The following DMRTA2 variants were observed in gnomAD, a reference collection of about 807,000 sequenced individuals.
The protein encoded by DMRTA2 is DMRT like family A2, also known as doublesex- and mab-3-related transcription factor A2.
A neutral mutation model predicts 29.7 loss-of-function variants in DMRTA2; 10 were observed. The observed-to-expected ratio is 0.34, with a 90% CI of 0.21 to 0.57. DMRTA2 has a LOEUF of 0.57. Among genes scored for constraint, DMRTA2 ranks in the 20% least tolerant of loss-of-function variants. DMRTA2 has a pLI of 0.87. For synonymous variants in DMRTA2, 469 were observed against 402.6 expected (o/e 1.16, Z -1.97); for missense variants, 783 against 812.1 (o/e 0.96, Z 0.44).
Position 50,420,950 on chromosome 1 carries a change from C to T in DMRTA2, c.559+28G>A, listed in dbSNP as rs144504138. On this transcript the variant is annotated intron_variant, in intron 2 of 2. Transcript: ENST00000404795. This position sits in a 1 kb window ranked among gnomAD's most constrained non-coding sequence, Gnocchi z 4.1. Reference sequence around the variant, plus strand: ...GCCCCAGAGCTACGATCCTGCTGCCCCTACCTGCGGCCTGGCCGCGCTCTC... The same window carrying T: ...GCCCCAGAGCTACGATCCTGCTGCCTCTACCTGCGGCCTGGCCGCGCTCTC... The T allele has an allele frequency of 2.2e-4, 311 of 1,430,182 alleles. 1 individual carries two copies. In the African/African-American group the frequency reaches 4.2e-3, roughly 19 times the overall value. 88.6% of individuals were successfully genotyped at this position (1,430,182 alleles called of 1,614,324 possible).
chr1:50,419,868 T>A lies in DMRTA2; in HGVS notation c.560-134A>T. The A allele has an allele frequency of 1.3e-6, 1 of 740,976 alleles. No homozygotes were observed. 45.9% of individuals were successfully genotyped at this position (740,976 alleles called of 1,614,324 possible). Reference sequence around the variant, plus strand: ...ATTCACTAGGCTCCAGTGCCCCTCTTTCTTTTTGCTCTAGCATTCCTTCCG... The same window carrying A: ...ATTCACTAGGCTCCAGTGCCCCTCTATCTTTTTGCTCTAGCATTCCTTCCG... On this transcript the variant is annotated intron_variant, in intron 2 of 2. Transcript: ENST00000404795. This position sits in a 1 kb window ranked among gnomAD's most constrained non-coding sequence, Gnocchi z 6.1.
Position 50,419,117 on chromosome 1 carries a change from C to G in DMRTA2, c.1177G>C (p.Ala393Pro). 8.4e-7 allele frequency: 1 copy of G among 1,190,256 alleles called. No homozygotes were observed. Among genetic ancestry groups the G allele is most frequent in the African/African-American group, 1.6e-5 (1 of 62,058 alleles). 73.7% of individuals were successfully genotyped at this position (1,190,256 alleles called of 1,614,324 possible). A position where few individuals can be genotyped will look rare whatever the true frequency, so the allele number is the denominator to read the frequency against. The change falls in exon 3 of 3, where the codon GCC becomes CCC. Residue 393 changes from alanine to proline, a missense_variant. This residue lies in a region of DMRTA2 where 667 missense variants were observed against 624.8 expected (regional missense o/e 1.07). Transcript: ENST00000404795. The surrounding 1 kb of genome is among the most constrained non-coding windows in gnomAD (Gnocchi z 6.1). ...CCAGGCCCCCCGGCGGCGGCGGCGG[C>G]GGCGGCGGCGGCGTCGACGCGGCTG... ...WPSRVDAAAA[A>P]AAAAGGPGLP...
Position 50,418,886 on chromosome 1 carries a change from A to G in DMRTA2, c.1408T>C (p.Tyr470His). The G allele has an allele frequency of 6.7e-7, 1 of 1,500,540 alleles. No individual in the cohort carries two copies. The highest frequency in any genetic ancestry group is 8.8e-7 in the Non-Finnish European group (1 of 1,130,450). The allele number at this position is 1,500,540 out of a possible 1,614,324, so 93.0% of individuals were successfully genotyped here. ...CGGCTGTGCGCCGCCGCCGCGGAGTAGGCCAGGCGCAGGGGGCTGAGGCCG... is the reference window on the plus strand; with the variant it reads ...CGGCTGTGCGCCGCCGCCGCGGAGTGGGCCAGGCGCAGGGGGCTGAGGCCG... Reference protein sequence around the residue: ...PLGLSPLRLAYSAAAAHSRGL... With the variant: ...PLGLSPLRLAHSAAAAHSRGL... Residue 470 changes from tyrosine to histidine, a missense_variant, in exon 3 of 3, where the codon TAC becomes CAC. Around this residue, in one of 3 missense-constraint regions of DMRTA2, gnomAD observed 667 missense variants for 624.8 expected, o/e 1.07. Coordinates refer to ENST00000404795, the MANE Select transcript of DMRTA2 (RefSeq NM_032110.3).
Position 50,420,922 on chromosome 1 carries a change from C to T in DMRTA2, c.559+56G>A. 7.2e-7 allele frequency: 1 copy of T among 1,397,828 alleles called. No homozygotes were observed. The highest frequency in any genetic ancestry group is 9.2e-7 in the Non-Finnish European group (1 of 1,085,308). 86.6% of individuals were successfully genotyped at this position (1,397,828 alleles called of 1,614,324 possible). The stretch of plus-strand genomic sequence containing the variant: ...TGAACCGAGACAAGCCCCTGGGCCC[C>T]GTGCCCCAGAGCTACGATCCTGCTG... On this transcript the variant is annotated intron_variant, in intron 2 of 2. Transcript: ENST00000404795. The surrounding 1 kb of genome is among the most constrained non-coding windows in gnomAD (Gnocchi z 4.1).
Position 50,419,731 on chromosome 1 carries a change from G to T in DMRTA2, c.563C>A (p.Ala188Asp). Residue 188 changes from alanine to aspartate, a missense_variant, in exon 3 of 3, where the codon GCC becomes GAC. By Grantham distance (126) the Ala-to-Asp change is moderately radical. Coordinates refer to ENST00000404795, the MANE Select transcript of DMRTA2 (RefSeq NM_032110.3). This position sits in a 1 kb window ranked among gnomAD's most constrained non-coding sequence, Gnocchi z 6.1. ...GGAAGAGGSE[A>D]KLQKFDLFPK... ...AAACAGGTCAAACTTCTGCAACTTG[G>T]CCTCTGGGAGGGGAGAAAACGTGTC... The T allele has an allele frequency of 6.8e-7, 1 of 1,466,962 alleles. No individual in the cohort carries two copies. Among genetic ancestry groups the T allele is most frequent in the Non-Finnish European group, 9.0e-7 (1 of 1,111,778 alleles). The allele number at this position is 1,466,962 out of a possible 1,614,324, so 90.9% of individuals were successfully genotyped here. A position where few individuals can be genotyped will look rare whatever the true frequency, so the allele number is the denominator to read the frequency against.
At position 50,421,285 on chromosome 1, in the gene DMRTA2, G is replaced by A. The variant is rs1233813899; in HGVS notation, c.252C>T (p.Gly84=). 1 of 1,534,458 alleles carries A rather than the reference G, an allele frequency of 6.5e-7. No homozygotes were observed. Among genetic ancestry groups the A allele is most frequent in the Non-Finnish European group, 8.8e-7 (1 of 1,140,040 alleles). Residue 84 remains glycine, a synonymous_variant, in exon 2 of 3, where the codon GGC becomes GGT. Transcript: ENST00000404795. This position sits in a 1 kb window ranked among gnomAD's most constrained non-coding sequence, Gnocchi z 8.7. The part of the protein sequence containing the change: ...RNHGVVSALK[G]HKRYCRWKDC... ...CCTTCCAGCGACAGTAGCGTTTGTGGCCCTTGAGGGCCGACACCACGCCAT... is the reference window on the plus strand; with the variant it reads ...CCTTCCAGCGACAGTAGCGTTTGTGACCCTTGAGGGCCGACACCACGCCAT...
chr1:50,419,059 G>A lies in DMRTA2; in HGVS notation c.1235C>T (p.Ala412Val). The A allele has an allele frequency of 7.7e-7, 1 of 1,301,468 alleles. No homozygotes were observed. The highest frequency in any genetic ancestry group is 9.7e-7 in the Non-Finnish European group (1 of 1,028,394). The allele number at this position is 1,301,468 out of a possible 1,614,324, so 80.6% of individuals were successfully genotyped here. The change falls in exon 3 of 3, where the codon GCA (alanine) becomes GTA (valine). Residue 412 changes from alanine (A) to valine (V), a missense_variant. Transcript: ENST00000404795. This position sits in a 1 kb window ranked among gnomAD's most constrained non-coding sequence, Gnocchi z 6.1. The stretch of plus-strand genomic sequence containing the variant: ...CAGCAAGGGTCTGTGGTGCGGAGGT[G>A]CGGCGGGCCCCGCCTGCAGCGGCGC... ...LPAPLQAGPAAPPHHRPLLAG... is the reference protein window; with the variant it reads ...LPAPLQAGPAVPPHHRPLLAG...
chr1:50,418,946 C>T lies in DMRTA2; in HGVS notation c.1348G>A (p.Ala450Thr), dbSNP rs1282378605. ...PLQPNASHFG[A>T]DAGAYPLGAP... ...CCCAGCGGGTAGGCGCCCGCGTCGG[C>T]ACCGAAGTGACTGGCGTTGGGCTGC... The change falls in exon 3 of 3, where the codon GCC becomes ACC. Residue 450 changes from alanine to threonine, a missense_variant. This residue lies in a region of DMRTA2 where 667 missense variants were observed against 624.8 expected (regional missense o/e 1.07). Coordinates refer to ENST00000404795, the MANE Select transcript of DMRTA2 (RefSeq NM_032110.3). 4 of 1,451,044 alleles carry T rather than the reference C, an allele frequency of 2.8e-6. No individual in the cohort carries two copies. The highest frequency in any genetic ancestry group is 1.8e-6 in the Non-Finnish European group (2 of 1,106,700). 89.9% of individuals were successfully genotyped at this position (1,451,044 alleles called of 1,614,324 possible). A position where few individuals can be genotyped will look rare whatever the true frequency, so the allele number is the denominator to read the frequency against.
Position 50,418,868 on chromosome 1 carries a change from G to GCGC in DMRTA2, c.1423_1425dup (p.Ala475dup), listed in dbSNP as rs771917631. ...GCCATGAAGGCCAGACCGCGGCTGT[G>GCGC]CGCCGCCGCCGCGGAGTAGGCCAGG... is the stretch of plus-strand genomic sequence containing the variant. On this transcript the variant is annotated inframe_insertion, in exon 3 of 3. Coordinates refer to ENST00000404795, the MANE Select transcript of DMRTA2 (RefSeq NM_032110.3). The GCGC allele has an allele frequency of 6.1e-5, 93 of 1,533,148 alleles. 2 individuals are homozygous for GCGC. In the East Asian group the frequency reaches 2.3e-3, roughly 39 times the overall value. The allele number at this position is 1,533,148 out of a possible 1,614,324, so 95.0% of individuals were successfully genotyped here. A position where few individuals can be genotyped will look rare whatever the true frequency, so the allele number is the denominator to read the frequency against.
chr1:50,419,106 G>GCA lies in DMRTA2; in HGVS notation c.1187_1188insTG (p.Gly398ProfsTer36). 9.0e-7 allele frequency: 1 copy of GCA among 1,112,524 alleles called. No homozygotes were observed. Among genetic ancestry groups the GCA allele is most frequent in the South Asian group, 4.4e-5 (1 of 22,714 alleles). The allele number at this position is 1,112,524 out of a possible 1,614,324, so 68.9% of individuals were successfully genotyped here. On this transcript the variant is annotated frameshift_variant, in exon 3 of 3. Transcript: ENST00000404795. LOFTEE classifies it high-confidence loss of function. The surrounding 1 kb of genome is among the most constrained non-coding windows in gnomAD (Gnocchi z 6.1). ...GCGCAGGCAGCCCAGGCCCCCCGGC[G>GCA]GCGGCGGCGGCGGCGGCGGCGGCGT...
In DMRTA2 at chr1:50,421,383, G is replaced by C; in HGVS notation, c.154C>G (p.Arg52Gly). The C allele has an allele frequency of 6.7e-7, 1 of 1,493,296 alleles. No homozygotes were observed. The highest frequency in any genetic ancestry group is 8.9e-7 in the Non-Finnish European group (1 of 1,122,870). 92.5% of individuals were successfully genotyped at this position (1,493,296 alleles called of 1,614,324 possible). Residue 52 changes from arginine (R) to glycine (G), a missense_variant, in exon 2 of 3, where the codon CGG becomes GGG. By Grantham distance (125) the Arg-to-Gly change is moderately radical. Transcript: ENST00000404795. This position sits in a 1 kb window ranked among gnomAD's most constrained non-coding sequence, Gnocchi z 8.7. ...LPVSVAGGLLRGPPLLLRAAE... is the reference protein window; with the variant it reads ...LPVSVAGGLLGGPPLLLRAAE... ...GCCCGCAGCAACAGTGGCGGCCCCC[G>C]CAGCAAGCCGCCTGCCACGCTCACC... is the stretch of plus-strand genomic sequence containing the variant.
At position 50,419,806 on chromosome 1, in the gene DMRTA2, G is replaced by A; in HGVS notation, c.560-72C>T. 7.7e-7 allele frequency: 1 copy of A among 1,293,066 alleles called. No individual in the cohort carries two copies. 80.1% of individuals were successfully genotyped at this position (1,293,066 alleles called of 1,614,324 possible). A position where few individuals can be genotyped will look rare whatever the true frequency, so the allele number is the denominator to read the frequency against. On this transcript the variant is annotated intron_variant, in intron 2 of 2. Coordinates refer to ENST00000404795, the MANE Select transcript of DMRTA2 (RefSeq NM_032110.3). This position sits in a 1 kb window ranked among gnomAD's most constrained non-coding sequence, Gnocchi z 6.1. The stretch of plus-strand genomic sequence containing the variant: ...AGCAGTCACAGCACCTCGGCCCTTT[G>A]GATCTCAGTTTCCTCTCCCTCAGCC...
chr1:50,419,578 G>A lies in DMRTA2; in HGVS notation c.716C>T (p.Ser239Leu), dbSNP rs1192152360. The change falls in exon 3 of 3, where the codon TCG (serine) becomes TTG (leucine). Residue 239 changes from serine (S) to leucine (L), a missense_variant. Ser to Leu is a moderately radical substitution (Grantham distance 145). Transcript: ENST00000404795. This position sits in a 1 kb window ranked among gnomAD's most constrained non-coding sequence, Gnocchi z 6.1. ...AAAGGACTCGCCATCGCCGTTCTCC[G>A]AGCCTGAGCCGGGCCGCACCTCTGG... is the stretch of plus-strand genomic sequence containing the variant. Reference protein sequence around the residue: ...SSPEVRPGSGSENGDGESFSG... With the variant: ...SSPEVRPGSGLENGDGESFSG... 2 of 1,555,516 alleles carry A rather than the reference G, an allele frequency of 1.3e-6. No homozygotes were observed. The highest frequency in any genetic ancestry group is 1.4e-5 in the African/African-American group (1 of 71,840).
Position 50,422,762 on chromosome 1 carries a change from C to T in DMRTA2, c.-9+354G>A, listed in dbSNP as rs977477520. On this transcript the variant is annotated intron_variant, in intron 1 of 2. Transcript: ENST00000404795. This position sits in a 1 kb window ranked among gnomAD's most constrained non-coding sequence, Gnocchi z 5.7. ...TGCGTTCTGATCTCAGAGTTGGGGT[C>T]CTAGGACACGGATGGCCCAGCAGGC... Among the ~76,000 whole-genome samples the T allele has an allele frequency of 2.6e-5, 4 of 152,034 alleles. No individual in the cohort carries two copies. Among genetic ancestry groups the T allele is most frequent in the Non-Finnish European group, 5.9e-5 (4 of 68,002 alleles).
Position 50,418,451 on chromosome 1 carries a change from C to A in DMRTA2, c.*214G>T, listed in dbSNP as rs539782171. On this transcript the variant is annotated 3_prime_UTR_variant, in exon 3 of 3. Transcript: ENST00000404795. Reference sequence around the variant, plus strand: ...AGGAGATGAGGACCCAGGCCGCGCACCCCCTCCGAGAACACCTGCACCTGT... The same window carrying A: ...AGGAGATGAGGACCCAGGCCGCGCAACCCCTCCGAGAACACCTGCACCTGT... The A allele has an allele frequency of 1.0e-5, 4 of 397,328 alleles. No homozygotes were observed. The South Asian group carries it at 5.6e-4, about 55-fold the overall frequency. The allele number at this position is 397,328 out of a possible 1,614,324, so 24.6% of individuals were successfully genotyped here.
Position 50,420,999 on chromosome 1 carries a change from C to T in DMRTA2, c.538G>A (p.Ala180Thr). The change falls in exon 2 of 3, where the codon GCA (alanine) becomes ACA (threonine). Residue 180 changes from alanine to threonine, a missense_variant. Ala to Thr is a moderately conservative substitution (Grantham distance 58). This residue lies in a region of DMRTA2 where 667 missense variants were observed against 624.8 expected (regional missense o/e 1.07). Transcript: ENST00000404795. The surrounding 1 kb of genome is among the most constrained non-coding windows in gnomAD (Gnocchi z 4.1). ...TCACCTGAGCCCCCTGCGCCAGCTG[C>T]TCCGCCTCCGGTCCCCGCGGGCGCT... ...AGAPAGTGGG[A>T]AGAGGSEAKL... 2 of 1,504,644 alleles carry T rather than the reference C, an allele frequency of 1.3e-6. No individual in the cohort carries two copies. Among genetic ancestry groups the T allele is most frequent in the Non-Finnish European group, 1.8e-6 (2 of 1,133,964 alleles). 93.2% of individuals were successfully genotyped at this position (1,504,644 alleles called of 1,614,324 possible).
At position 50,419,622 on chromosome 1, in the gene DMRTA2, C is replaced by A. The variant is rs768057755; in HGVS notation, c.672G>T (p.Ser224=). Reference sequence around the variant, plus strand: ...CCTCTGGGGACGACGTCCCGGGCCCCGAGTCTGCGCCGTCGGGTGATAAGG... The same window carrying A: ...CCTCTGGGGACGACGTCCCGGGCCCAGAGTCTGCGCCGTCGGGTGATAAGG... ...VKPLSPDGAD[S]GPGTSSPEVR... The change falls in exon 3 of 3, where the codon TCG becomes TCT. Residue 224 remains serine (S), a synonymous_variant. Coordinates refer to ENST00000404795, the MANE Select transcript of DMRTA2 (RefSeq NM_032110.3). This position sits in a 1 kb window ranked among gnomAD's most constrained non-coding sequence, Gnocchi z 6.1. 8 of 1,526,230 alleles carry A rather than the reference C, an allele frequency of 5.2e-6. No homozygotes were observed. In the South Asian group the frequency reaches 7.6e-5, roughly 15 times the overall value. 94.5% of individuals were successfully genotyped at this position (1,526,230 alleles called of 1,614,324 possible).
In DMRTA2 at chr1:50,423,424, G is replaced by C. The variant is rs1572736500; in HGVS notation, c.-317C>G. The C allele has an allele frequency of 6.6e-6, 1 of 152,214 alleles. No homozygotes were observed. The highest frequency in any genetic ancestry group is 1.5e-5 in the Non-Finnish European group (1 of 68,034). The allele number at this position is 152,214 out of a possible 1,614,324, so 9.4% of individuals were successfully genotyped here. On this transcript the variant is annotated 5_prime_UTR_variant, in exon 1 of 3. Coordinates refer to ENST00000404795, the MANE Select transcript of DMRTA2 (RefSeq NM_032110.3). ...GCGCGCAGCCGGGGCCCAGTTGCCC[G>C]GCGCTGCCAGACTCTCAATGAGCCG...
At position 50,420,673 on chromosome 1, in the gene DMRTA2, G is replaced by A. The variant is rs1218305685; in HGVS notation, c.559+305C>T. Among the ~76,000 whole-genome samples, 1 of 152,174 alleles carries A rather than the reference G, an allele frequency of 6.6e-6. No homozygotes were observed. Among genetic ancestry groups the A allele is most frequent in the Non-Finnish European group, 1.5e-5 (1 of 68,018 alleles). ...GAAGATGCGCAGGTTTCCACCTGGG[G>A]AGAAGACGAAGCAAAGAAGCAGGGA... is the stretch of plus-strand genomic sequence containing the variant. On this transcript the variant is annotated intron_variant, in intron 2 of 2. Transcript: ENST00000404795. This position sits in a 1 kb window ranked among gnomAD's most constrained non-coding sequence, Gnocchi z 4.1.
Sources: allele counts gnomAD v4.1 joint callset (sites outside exome capture counted in the v4.1 genomes callset), GRCh38; gene constraint gnomAD v4.1.1; regional missense constraint gnomAD v4.1.1; non-coding constraint Gnocchi (gnomAD v3.1); transcripts MANE v1.5; gene names NCBI Gene and HGNC (gene_info 2026-07-23, HGNC 2026-07-21).